The following SCFD2 variants were observed in gnomAD, a reference collection of about 807,000 sequenced individuals.
The protein encoded by SCFD2 is sec1 family domain containing 2, also known as sec1 family domain-containing protein 2.
In SCFD2, 54 loss-of-function variants were observed where a neutral mutation model predicts 58.9. The ratio of observed to expected loss-of-function variants is 0.92; its 90% CI spans 0.74 to 1.15. The LOEUF (loss-of-function observed/expected upper bound fraction) is 1.15. Among genes scored for constraint, SCFD2 ranks in the 50% most tolerant of loss-of-function variants. The pLI is 0.00. For missense variants in SCFD2, 805 were observed against 836.6 expected (o/e 0.96, Z 0.47); for synonymous variants, 321 against 335.9 (o/e 0.96, Z 0.49).
chr4:52,992,240 G>A (rs1178866982), intron 5 of SCFD2, among the ~76,000 whole-genome samples: 1 of 152,186 alleles, frequency 6.6e-6, no homozygotes, highest in African/African-American at 2.4e-5. Flanking sequence ...TGTTGGCCGG[G>A]CTGGTCTCCA....
intron 4 of SCFD2, among the ~76,000 whole-genome samples, chr4:53,165,686 G>T (rs1726985946): frequency 6.6e-6 from 1 of 152,032 alleles, no homozygotes; most frequent in Non-Finnish European, 1.5e-5. Context: ...TATTTACTTT[G>T]TTTATTGTCC....
At chr4:53,327,837 T>C (rs971702228) in intron 2 of SCFD2, among the ~76,000 whole-genome samples, 1 of 152,168 alleles carries the variant, frequency 6.6e-6, no homozygotes, top group Non-Finnish European at 1.5e-5. Flanking sequence ...GTTCTCAATA[T>C]ACAGAGATTA....
At chr4:53,148,725 A>T (rs1028425356) in intron 4 of SCFD2, among the ~76,000 whole-genome samples, 13 of 152,218 alleles carry the variant, frequency 8.5e-5, no homozygotes, top group African/African-American at 3.1e-4. Context: ...AATGCTCAAA[A>T]AAGGCCAGGT....
At chr4:53,141,434 T>C (rs1461431385) in intron 5 of SCFD2, among the ~76,000 whole-genome samples, 2 of 152,044 alleles carry the variant, frequency 1.3e-5, no homozygotes, top group African/African-American at 4.8e-5. Context: ...AAAACCAAAA[T>C]GGCTGAGACA....
intron 4 of SCFD2, among the ~76,000 whole-genome samples, chr4:53,255,989 C>T (rs1392710295): frequency 6.7e-6 from 1 of 150,322 alleles, no homozygotes; most frequent in Non-Finnish European, 1.5e-5. Flanking sequence ...CACCTCCCTC[C>T]CAGACGGGGC....
intron 4 of SCFD2, among the ~76,000 whole-genome samples, chr4:53,156,539 T>C (rs558079717): frequency 2.5e-4 from 37 of 150,250 alleles, no homozygotes; most frequent in Middle Eastern, 3.5e-3. Context: ...CTACTAAAAA[T>C]ACAAAAAAAT....
At chr4:53,353,645 G>T (rs1432968135) in intron 1 of SCFD2, among the ~76,000 whole-genome samples, 1 of 152,178 alleles carries the variant, frequency 6.6e-6, no homozygotes, top group Admixed American at 6.5e-5. Context: ...CAAACCTTGA[G>T]CTAGACACAG....
intron 2 of SCFD2, among the ~76,000 whole-genome samples, chr4:53,330,514 C>A (rs894801420): frequency 6.6e-6 from 1 of 151,946 alleles, no homozygotes; most frequent in African/African-American, 2.4e-5. Flanking sequence ...AAGTGAAGGA[C>A]AAATAAAATA....
chr4:53,262,383 G>A (rs1285861434), intron 4 of SCFD2, among the ~76,000 whole-genome samples: 1 of 152,024 alleles, frequency 6.6e-6, no homozygotes, highest in Non-Finnish European at 1.5e-5. Context: ...TTCTATTTTG[G>A]TGTATCACAA....
At chr4:52,951,822 T>C (rs1720601046) in intron 5 of SCFD2, among the ~76,000 whole-genome samples, 1 of 152,184 alleles carries the variant, frequency 6.6e-6, no homozygotes, top group African/African-American at 2.4e-5. Flanking sequence ...CACTGAGCCA[T>C]ATTGAACATG....
chr4:53,232,302 A>ATTG (rs1314011310), intron 4 of SCFD2, among the ~76,000 whole-genome samples: 33 of 152,312 alleles, frequency 2.2e-4, no homozygotes, highest in African/African-American at 7.7e-4. Context: ...TAAAACTACA[A>ATTG]TAAAGATTTT....
chr4:52,907,371 G>T (rs928874798), intron 7 of SCFD2, 86 bp downstream of exon 7: 1 of 1,321,898 alleles, frequency 7.6e-7, no homozygotes, highest in Non-Finnish European at 1.1e-6. Context: ...TATGGTGCTG[G>T]CTAGGGTTAA....
At chr4:53,028,550 C>T (rs1448852834) in intron 5 of SCFD2, among the ~76,000 whole-genome samples, 1 of 152,056 alleles carries the variant, frequency 6.6e-6, no homozygotes, top group Admixed American at 6.5e-5. Context: ...TGGCTCAATG[C>T]TACTTATTCA....
chr4:53,207,006 C>T (rs927922285), intron 4 of SCFD2, among the ~76,000 whole-genome samples: 12 of 151,978 alleles, frequency 7.9e-5, no homozygotes, highest in Non-Finnish European at 1.3e-4. Context: ...TGGTGAGGGC[C>T]TCCTTGCTGC....
chr4:53,051,084 A>G (rs536910443), intron 5 of SCFD2, among the ~76,000 whole-genome samples: 9 of 152,278 alleles, frequency 5.9e-5, no homozygotes, highest in African/African-American at 1.9e-4. Context: ...TGCAAGTTCC[A>G]TGAGGGCAGA....
At chr4:53,343,102 G>A (rs886079925) in intron 2 of SCFD2, among the ~76,000 whole-genome samples, 8 of 151,990 alleles carry the variant, frequency 5.3e-5, no homozygotes, top group African/African-American at 7.2e-5. Context: ...AAGAAATAAC[G>A]AAGATCAGAG....
intron 5 of SCFD2, among the ~76,000 whole-genome samples, chr4:52,932,285 A>T (rs77683799): frequency 0.018 from 2,781 of 152,296 alleles, 102 homozygotes; most frequent in African/African-American, 0.064. Flanking sequence ...TACTTCATTC[A>T]GAGTTTAACT....
At chr4:53,338,651 G>T (rs2149142780) in intron 2 of SCFD2, among the ~76,000 whole-genome samples, 1 of 121,280 alleles carries the variant, frequency 8.2e-6, no homozygotes, top group Non-Finnish European at 1.6e-5. Flanking sequence ...CGGGATCTCG[G>T]CTCACTGCAA....
At chr4:52,957,453 C>G (rs1427417986) in intron 5 of SCFD2, 1 of 152,228 alleles carries the variant, frequency 6.6e-6, no homozygotes, top group Non-Finnish European at 1.5e-5. Context: ...TGCCAGCTAT[C>G]AGTTGCTGCG....
Sources: gnomAD v4.1 joint callset for allele counts (sites outside exome capture counted in the v4.1 genomes callset) on GRCh38, gnomAD v4.1.1 for gene constraint, MANE v1.5 for transcripts, NCBI Gene and HGNC (gene_info 2026-07-23, HGNC 2026-07-21) for gene names.